MUC4: variants seen among roughly 807,000 people sequenced by gnomAD.
The protein encoded by MUC4 is mucin-4.
A neutral mutation model predicts 257.9 loss-of-function variants in MUC4; 202 were observed. The observed-to-expected ratio is 0.78, with a 90% CI of 0.70 to 0.88. The LOEUF (loss-of-function observed/expected upper bound fraction) is 0.88, where lower values mean the gene tolerates loss of function less well. Among genes scored for constraint, MUC4 ranks in the 40% least tolerant of loss-of-function variants. MUC4 has a pLI of 0.00. For synonymous variants in MUC4, 2,351 were observed against 2,757.1 expected, an observed-to-expected ratio of 0.85 and a Z score of 4.62; for missense variants, 5,976 against 6,513.7, an observed-to-expected ratio of 0.92 and a Z score of 2.84.
At position 195,748,968 on chromosome 3, in the gene MUC4, G is replaced by A. The variant is rs530467660; in HGVS notation, c.15968C>T (p.Pro5323Leu). ...ATGGTCACAGTAGCCCCTACTGCACGGGGACACGCAGGTGAAGCCGCTCTG... is the reference window on the plus strand; with the variant it reads ...ATGGTCACAGTAGCCCCTACTGCACAGGGACACGCAGGTGAAGCCGCTCTG... ...SPQSGFTCVSPCSRGYCDHGG... is the reference protein window; with the variant it reads ...SPQSGFTCVSLCSRGYCDHGG... Residue 5323 changes from proline (P) to leucine (L), a missense_variant, in exon 24 of 25, where the codon CCG (proline) becomes CTG (leucine). By Grantham distance (98) the Pro-to-Leu change is moderately conservative (BLOSUM62 -3). Coordinates refer to ENST00000463781, the MANE Select transcript of MUC4 (RefSeq NM_018406.7). 136 of 1,608,964 alleles carry A rather than the reference G, an allele frequency of 8.5e-5. No homozygotes were observed. Among genetic ancestry groups the A allele is most frequent in the East Asian group, 7.2e-4 (32 of 44,688 alleles).
At chr3:195,808,566 G>A (rs3103949) in intron 1 of MUC4, among the ~76,000 whole-genome samples, 82,331 of 152,002 alleles carry the variant, frequency 0.54, 23,495 homozygotes, top group East Asian at 0.76. Context: ...ACAACCCTAC[G>A]TAGTAGCCCC....
At position 195,782,563 on chromosome 3, in the gene MUC4, G is replaced by C. The variant is rs1225091757; in HGVS notation, c.9017C>G (p.Ala3006Gly). The C allele has an allele frequency of 1.1e-6, 1 of 921,734 alleles. No individual in the cohort carries two copies. The highest frequency in any genetic ancestry group is 1.5e-6 in the Non-Finnish European group (1 of 648,022). The allele number at this position is 921,734 out of a possible 1,614,324, so 57.1% of individuals were successfully genotyped here. ...AGTGTCGGTGACAGGAAGAGAGGTG[G>C]CGTGACCTATGGATGCTGAGGAAGT... ...TDTSSASIGH[A>G]TSLPVTDTSS... The change falls in exon 2 of 25, where the codon GCC (alanine) becomes GGC (glycine). Residue 3006 changes from alanine (A) to glycine (G), a missense_variant. By Grantham distance (60) the Ala-to-Gly change is moderately conservative (BLOSUM62 0). Around this residue, in one of 44 missense-constraint regions of MUC4, gnomAD observed 68 missense variants for 50.2 expected, o/e 1.35. Coordinates refer to ENST00000463781, the MANE Select transcript of MUC4 (RefSeq NM_018406.7).
Position 195,789,370 on chromosome 3 carries a change from G to A in MUC4, c.2210C>T (p.Ala737Val). 6.2e-7 allele frequency: 1 copy of A among 1,613,934 alleles called. No individual in the cohort carries two copies. The highest frequency in any genetic ancestry group is 8.5e-7 in the Non-Finnish European group (1 of 1,179,882). The change falls in exon 2 of 25, where the codon GCC becomes GTC. Residue 737 changes from alanine (A) to valine (V), a missense_variant. Physicochemically the swap from Ala to Val is moderately conservative, Grantham distance 64 (BLOSUM62 0). Coordinates refer to ENST00000463781, the MANE Select transcript of MUC4 (RefSeq NM_018406.7). Reference protein sequence around the residue: ...SGGTSLSKTGALTLANSVVST... With the variant: ...SGGTSLSKTGVLTLANSVVST... ...CACTACAGAGTTGGCCAGAGTAAGG[G>A]CACCTGTTTTGGAAAGTGACGTGCC...
chr3:195,749,005 C>A lies in MUC4; in HGVS notation c.15931G>T (p.Val5311Phe). ...RCDGYKGYDL[V>F]YSPQSGFTCV... The stretch of plus-strand genomic sequence containing the variant: ...GTGAAGCCGCTCTGGGGGCTGTAGA[C>A]CAGGTCGTAGCCCTTGTAGCCATCG... The change falls in exon 24 of 25, where the codon GTC becomes TTC. Residue 5311 changes from valine (V) to phenylalanine (F), a missense_variant. Around this residue, in one of 44 missense-constraint regions of MUC4, gnomAD observed 310 missense variants for 242.1 expected, o/e 1.28. Transcript: ENST00000463781. The A allele has an allele frequency of 1.2e-6, 2 of 1,609,748 alleles. No individual in the cohort carries two copies. Among genetic ancestry groups the A allele is most frequent in the African/African-American group, 1.3e-5 (1 of 74,792 alleles).
intron 13 of MUC4, 39 bp from the exon 14 acceptor site, chr3:195,762,293 G>A (rs1719158985): frequency 1.3e-6 from 2 of 1,535,850 alleles, no homozygotes; most frequent in Admixed American, 2.0e-5. Flanking sequence ...AGCCAGGTCG[G>A]CACCACGGCC....
Position 195,778,422 on chromosome 3 carries a change from C to G in MUC4, c.12824G>C (p.Gly4275Ala), listed in dbSNP as rs766138586. ...GGGTGGTGATGTGGCTGTGCGTCTC[C>G]CACCGTCTGTCTTCAGTGACGGTGT... ...MTTPSLKTDG[G>A]RRTATSPPPT... The change falls in exon 3 of 25, where the codon GGG (glycine) becomes GCG (alanine). Residue 4275 changes from glycine (G) to alanine (A), a missense_variant. Around this residue, in one of 44 missense-constraint regions of MUC4, gnomAD observed 233 missense variants for 171.2 expected, o/e 1.36. Coordinates refer to ENST00000463781, the MANE Select transcript of MUC4 (RefSeq NM_018406.7). The G allele has an allele frequency of 1.9e-6, 3 of 1,612,886 alleles. No individual in the cohort carries two copies. The highest frequency in any genetic ancestry group is 1.7e-5 in the Admixed American group (1 of 59,866).
rs1186819050 is a variant in MUC4, at chr3:195,788,917, T to C, written c.2663A>G (p.Gln888Arg). The C allele has an allele frequency of 1.2e-6, 2 of 1,613,680 alleles. No individual in the cohort carries two copies. The highest frequency in any genetic ancestry group is 8.5e-7 in the Non-Finnish European group (1 of 1,179,758). Residue 888 changes from glutamine (Q) to arginine (R), a missense_variant, in exon 2 of 25, where the codon CAG (glutamine) becomes CGG (arginine). Transcript: ENST00000463781. ...EASTAGRPTG[Q>R]SSPTSPSASP... ...GGCACTGGGAGAAGTTGGGCTTGAC[T>C]GTCCTGTCGGTCTCCCTGCAGTGGA...
At chr3:195,791,566 A>G in intron 1 of MUC4, 69 bp from the exon 2 acceptor site, 1 of 933,864 alleles carries the variant, frequency 1.1e-6, no homozygotes, top group Non-Finnish European at 1.7e-6. Context: ...AATTGCTACA[A>G]ATAGAATAAA....
In MUC4 at chr3:195,788,972, CG is replaced by C. The variant is rs769174887; in HGVS notation, c.2607del (p.Gly870AlafsTer366). 6.2e-7 allele frequency: 1 copy of C among 1,613,564 alleles called. No individual in the cohort carries two copies. The highest frequency in any genetic ancestry group is 8.5e-7 in the Non-Finnish European group (1 of 1,179,770). On this transcript the variant is annotated frameshift_variant, in exon 2 of 25. Coordinates refer to ENST00000463781, the MANE Select transcript of MUC4 (RefSeq NM_018406.7). LOFTEE classifies it high-confidence loss of function. ...TCAGAGAGGGTGGGATGAAAGGTGCCGGGGACGATCGAAGACGCCATTCCTG... is the reference window on the plus strand; with the variant it reads ...TCAGAGAGGGTGGGATGAAAGGTGCCGGGACGATCGAAGACGCCATTCCTG... Reference protein sequence around the residue: ...VSTGMASSIVPGTFHPTLSEA... With the variant: ...VSTGMASSIVXGTFHPTLSEA...
rs776771767 is a variant in MUC4, at chr3:195,790,588, T to C, written c.992A>G (p.Glu331Gly). 4 of 1,613,952 alleles carry C rather than the reference T, an allele frequency of 2.5e-6. No homozygotes were observed. In the Admixed American group the frequency reaches 5.0e-5, roughly 20 times the overall value. The change falls in exon 2 of 25, where the codon GAG becomes GGG. Residue 331 changes from glutamate (E) to glycine (G), a missense_variant. Coordinates refer to ENST00000463781, the MANE Select transcript of MUC4 (RefSeq NM_018406.7). ...FSKNHQTQSV[E>G]TTRVSQINTL... ...GTTGATTTGAGATACTCTGGTGGTC[T>C]CCACGCTCTGAGTCTGGTGGTTCTT...
chr3:195,791,111 C>T lies in MUC4; in HGVS notation c.469G>A (p.Ala157Thr), dbSNP rs746259275. The change falls in exon 2 of 25, where the codon GCA becomes ACA. Residue 157 changes from alanine (A) to threonine (T), a missense_variant. By Grantham distance (58) the Ala-to-Thr change is moderately conservative. This residue lies in a region of MUC4 where 1,583 missense variants were observed against 1,257.4 expected (regional missense o/e 1.26). Coordinates refer to ENST00000463781, the MANE Select transcript of MUC4 (RefSeq NM_018406.7). The part of the protein sequence containing the change: ...TLGNTEETST[A>T]GTESSTPVTS... ...ACTGGGGTAGAACTTTCAGTTCCTGCTGTTGATGTCTCTTCTGTGTTTCCA... is the reference window on the plus strand; with the variant it reads ...ACTGGGGTAGAACTTTCAGTTCCTGTTGTTGATGTCTCTTCTGTGTTTCCA... The T allele has an allele frequency of 1.2e-6, 2 of 1,613,758 alleles. No homozygotes were observed. Among genetic ancestry groups the T allele is most frequent in the Non-Finnish European group, 1.7e-6 (2 of 1,179,836 alleles).
In MUC4 at chr3:195,751,058, C is replaced by T. The variant is rs552126852; in HGVS notation, c.15702G>A (p.Ser5234=). The change falls in exon 23 of 25, where the codon TCG becomes TCA. Residue 5234 remains serine (S), a synonymous_variant. Transcript: ENST00000463781. ...GSPIQHWMVI[S]EFQYRPRGPV... The stretch of plus-strand genomic sequence containing the variant: ...GGCCCCGAGGGCGGTACTGGAACTC[C>T]GAGATGACCATCCAGTGTTGGATGG... 129 of 1,608,906 alleles carry T rather than the reference C, an allele frequency of 8.0e-5. 1 individual carries two copies. The South Asian group carries it at 8.4e-4, about 10-fold the overall frequency.
rs762973968 is a variant in MUC4, at chr3:195,757,333, C to T, written c.14987-5G>A. ...TCCACAGCAACGTCCCATTCTCTGCCCCGGGGAAGATGAGAATGTTGAGAG... is the reference window on the plus strand; with the variant it reads ...TCCACAGCAACGTCCCATTCTCTGCTCCGGGGAAGATGAGAATGTTGAGAG... On this transcript the variant is annotated splice_region_variant and splice_polypyrimidine_tract_variant and intron_variant, in intron 17 of 24. Coordinates refer to ENST00000463781, the MANE Select transcript of MUC4 (RefSeq NM_018406.7). The surrounding 1 kb of genome is among the most constrained non-coding windows in gnomAD (Gnocchi z 4.8). 1 of 1,587,130 alleles carries T rather than the reference C, an allele frequency of 6.3e-7. No homozygotes were observed. Among genetic ancestry groups the T allele is most frequent in the South Asian group, 1.1e-5 (1 of 89,798 alleles).
chr3:195,795,727 G>A (rs1734487729), intron 1 of MUC4, among the ~76,000 whole-genome samples: 1 of 151,876 alleles, frequency 6.6e-6, no homozygotes. Context: ...GAAGCAGAAT[G>A]AAGGATATAG....
chr3:195,767,312 C>G (rs1379354214), intron 7 of MUC4, among the ~76,000 whole-genome samples: 1 of 152,016 alleles, frequency 6.6e-6, no homozygotes, highest in Non-Finnish European at 1.5e-5. Context: ...ATCTGCAAAT[C>G]CCTCAGAACT....
In MUC4 at chr3:195,747,499, G is replaced by A. The variant is rs1341681220; in HGVS notation, c.16035-119C>T. On this transcript the variant is annotated intron_variant, in intron 24 of 24. Coordinates refer to ENST00000463781, the MANE Select transcript of MUC4 (RefSeq NM_018406.7). ...GAGGCTGGGCTCGCCCCACTCTCCG[G>A]AGAGACTGAGTCAGCCCTGAGGCCG... 77 of 1,187,280 alleles carry A rather than the reference G, an allele frequency of 6.5e-5. No homozygotes were observed. In the East Asian group the frequency reaches 1.7e-3, roughly 26 times the overall value. The allele number at this position is 1,187,280 out of a possible 1,614,324, so 73.5% of individuals were successfully genotyped here.
chr3:195,773,029 G>GC (rs1723433357), intron 4 of MUC4, among the ~76,000 whole-genome samples: 3 of 145,142 alleles, frequency 2.1e-5, no homozygotes, highest in South Asian at 2.2e-4. Context: ...CCATCGCTCA[G>GC]GGGTGTAGAC....
rs1733600780 is a variant in MUC4, at chr3:195,789,620, A to C, written c.1960T>G (p.Ser654Ala). ...QTTQESQTTR[S>A]VSPMTDTKTV... ...TTGGTGTCAGTCATGGGGGAGACGGACCTCGTGGTTTGTGATTCTTGTGTG... is the reference window on the plus strand; with the variant it reads ...TTGGTGTCAGTCATGGGGGAGACGGCCCTCGTGGTTTGTGATTCTTGTGTG... The change falls in exon 2 of 25, where the codon TCC (serine) becomes GCC (alanine). Residue 654 changes from serine to alanine, a missense_variant. Physicochemically the swap from Ser to Ala is moderately conservative, Grantham distance 99. Transcript: ENST00000463781. 2 of 1,613,378 alleles carry C rather than the reference A, an allele frequency of 1.2e-6. No individual in the cohort carries two copies. The highest frequency in any genetic ancestry group is 2.2e-5 in the South Asian group (2 of 91,060).
intron 1 of MUC4, among the ~76,000 whole-genome samples, chr3:195,803,450 C>A (rs1735601675): frequency 1.3e-5 from 2 of 152,256 alleles, no homozygotes; most frequent in South Asian, 2.1e-4. Context: ...AAACTCTCTG[C>A]AAGCAGCGAG....
Sources: allele counts gnomAD v4.1 joint callset (sites outside exome capture counted in the v4.1 genomes callset), GRCh38; gene constraint gnomAD v4.1.1; regional missense constraint gnomAD v4.1.1; non-coding constraint Gnocchi (gnomAD v3.1); transcripts MANE v1.5; gene names NCBI Gene and HGNC (gene_info 2026-07-23, HGNC 2026-07-21).